The following GAB2 variants were observed in gnomAD, a reference collection of about 807,000 sequenced individuals.
GAB2 encodes GRB2-associated-binding protein 2.
Under a neutral mutation model 65.5 loss-of-function variants are expected in GAB2, and 26 were observed. That is an observed-to-expected ratio of 0.40 (90% CI 0.29 to 0.55). The LOEUF (loss-of-function observed/expected upper bound fraction) is 0.55, where lower values mean the gene tolerates loss of function less well. Ranked by LOEUF, GAB2 falls within the 20% of genes least tolerant of loss-of-function variation. The pLI is 0.53. For synonymous variants in GAB2, 321 were observed against 329.6 expected (o/e 0.97, Z 0.28); for missense variants, 884 against 875.8 (o/e 1.01, Z -0.12).
At chr11:78,357,690 T>A (rs1253917516) in intron 1 of GAB2, among the ~76,000 whole-genome samples, 1 of 152,002 alleles carries the variant, frequency 6.6e-6, no homozygotes, top group African/African-American at 2.4e-5. Context: ...AACAGACACA[T>A]GAAAAAATGC....
At chr11:78,341,731 C>T (rs907772879) in intron 1 of GAB2, 5 of 982,896 alleles carry the variant, frequency 5.1e-6, no homozygotes, top group South Asian at 4.7e-5. Context: ...GGTACTTGCC[C>T]GCCATACTCT....
intron 1 of GAB2, among the ~76,000 whole-genome samples, chr11:78,349,608 G>A (rs1425016145): frequency 6.6e-6 from 1 of 152,152 alleles, no homozygotes; most frequent in African/African-American, 2.4e-5. Context: ...GATAGCCTAG[G>A]GACAAGAAGA....
chr11:78,417,620 CCCTGGGCGGCCGCGCCCGCA>C lies in GAB2; in HGVS notation c.75+6_75+25del, dbSNP rs1429783546. ...AGGCCCCGGAGCGCCCCCCGCCCGC[CCCTGGGCGGCCGCGCCCGCA>C]CTCACATAGCGCCTCAACTTCTTCT... On this transcript the variant is annotated splice_donor_region_variant and intron_variant, in intron 1 of 9. Coordinates refer to ENST00000361507, the MANE Select transcript of GAB2 (RefSeq NM_080491.3). 7.7e-7 allele frequency: 1 copy of C among 1,295,230 alleles called. No individual in the cohort carries two copies. The highest frequency in any genetic ancestry group is 1.0e-6 in the Non-Finnish European group (1 of 989,564). 80.2% of individuals were successfully genotyped at this position (1,295,230 alleles called of 1,614,324 possible). A position where few individuals can be genotyped will look rare whatever the true frequency, so the allele number is the denominator to read the frequency against.
At chr11:78,338,168 C>G (rs1165737996) in intron 1 of GAB2, among the ~76,000 whole-genome samples, 3 of 152,228 alleles carry the variant, frequency 2.0e-5, no homozygotes, top group African/African-American at 4.8e-5. Context: ...ATGTTCAATT[C>G]AATGCCAGAC....
chr11:78,327,366 G>A (rs575565809), intron 1 of GAB2, among the ~76,000 whole-genome samples: 1 of 152,250 alleles, frequency 6.6e-6, no homozygotes, highest in Non-Finnish European at 1.5e-5. Flanking sequence ...GGTTGTGGGA[G>A]GAGGAAAGTA....
At chr11:78,331,903 G>A (rs897160961) in intron 1 of GAB2, among the ~76,000 whole-genome samples, 3 of 152,092 alleles carry the variant, frequency 2.0e-5, no homozygotes, top group Non-Finnish European at 2.9e-5. Context: ...TCCGGACCTC[G>A]TAAATGAAAG....
intron 1 of GAB2, among the ~76,000 whole-genome samples, chr11:78,330,779 ATT>A (rs1385968323): frequency 1.3e-5 from 2 of 151,938 alleles, no homozygotes. Flanking sequence ...TAATGGAAAT[ATT>A]TTTCTTCCCA....
At chr11:78,297,025 A>T (rs1866848972) in intron 1 of GAB2, among the ~76,000 whole-genome samples, 1 of 152,322 alleles carries the variant, frequency 6.6e-6, no homozygotes, top group Non-Finnish European at 1.5e-5. Flanking sequence ...ATACCAACAC[A>T]TCAGGGATAA....
chr11:78,405,284 G>C (rs1857028944), intron 1 of GAB2, among the ~76,000 whole-genome samples: 3 of 152,040 alleles, frequency 2.0e-5, no homozygotes. Flanking sequence ...ATTTTTAGTA[G>C]AGATGGGGTT....
intron 1 of GAB2, among the ~76,000 whole-genome samples, chr11:78,406,468 C>A (rs1857046117): frequency 6.6e-6 from 1 of 152,028 alleles, no homozygotes; most frequent in South Asian, 2.1e-4. Context: ...ACCTCTGCCC[C>A]CTGGGTTGAA....
intron 1 of GAB2, among the ~76,000 whole-genome samples, chr11:78,306,047 T>C (rs922937369): frequency 2.0e-5 from 3 of 152,342 alleles, no homozygotes; most frequent in South Asian, 4.1e-4. Flanking sequence ...CAAACCCCTA[T>C]ATTAAAACAT....
intron 1 of GAB2, among the ~76,000 whole-genome samples, chr11:78,300,431 T>C (rs184545811): frequency 3.3e-5 from 5 of 152,016 alleles, no homozygotes; most frequent in East Asian, 1.9e-4. Context: ...CAAGTCTTTT[T>C]TGTGAGCATA....
intron 1 of GAB2, among the ~76,000 whole-genome samples, chr11:78,294,178 T>C (rs1350434861): frequency 6.6e-6 from 1 of 152,194 alleles, no homozygotes; most frequent in Non-Finnish European, 1.5e-5. Context: ...GTTTGGTTTT[T>C]TGTCCTTGCG....
In GAB2 at chr11:78,354,399, GTATCA is replaced by G. The variant is rs1171906273; in HGVS notation, c.75+63242_75+63246del. Among the ~76,000 whole-genome samples, 31 of 152,028 alleles carry G rather than the reference GTATCA, an allele frequency of 2.0e-4. No individual in the cohort carries two copies. In the Middle Eastern group the frequency reaches 9.5e-3, roughly 47 times the overall value. ...TAGTACAGACCATATGTACTGTACT[GTATCA>G]TATCATATGTATTGTATCATATATG... On this transcript the variant is annotated intron_variant, in intron 1 of 9. Transcript: ENST00000361507.
Position 78,220,369 on chromosome 11 carries a change from C to T in GAB2, c.1837G>A (p.Asp613Asn). The change falls in exon 9 of 10, where the codon GAT becomes AAT. Residue 613 changes from aspartate to asparagine, a missense_variant. By Grantham distance (23) the Asp-to-Asn change is conservative. Coordinates refer to ENST00000361507, the MANE Select transcript of GAB2 (RefSeq NM_080491.3). ...GGCTGGAAGTCCAGGGCCAGATAAT[C>T]AACGCTGCCGGTGCTCTTCTTAGGG... ...PAPKKSTGSV[D>N]YLALDFQPSS... is the part of the protein sequence containing the mutation. 1.2e-6 allele frequency: 2 copies of T among 1,613,064 alleles called. No homozygotes were observed. Among genetic ancestry groups the T allele is most frequent in the Non-Finnish European group, 1.7e-6 (2 of 1,179,438 alleles).
At chr11:78,272,412 A>T (rs1000124912) in intron 2 of GAB2, among the ~76,000 whole-genome samples, 2 of 152,210 alleles carry the variant, frequency 1.3e-5, no homozygotes, top group Non-Finnish European at 2.9e-5. Context: ...AACTTGTTGG[A>T]AACTGGAGCA....
intron 1 of GAB2, among the ~76,000 whole-genome samples, chr11:78,331,042 G>A (rs947644284): frequency 6.6e-6 from 1 of 151,940 alleles, no homozygotes; most frequent in Non-Finnish European, 1.5e-5. Context: ...GGGCATGGTG[G>A]TGGGCACCTG....
At chr11:78,384,465 GCA>G (rs1856740331) in intron 1 of GAB2, among the ~76,000 whole-genome samples, 1 of 152,184 alleles carries the variant, frequency 6.6e-6, no homozygotes. Flanking sequence ...ACTCAAAAAA[GCA>G]CATTTTGGAA....
chr11:78,395,805 G>T (rs1008530468), intron 1 of GAB2, among the ~76,000 whole-genome samples: 2 of 152,142 alleles, frequency 1.3e-5, no homozygotes, highest in Non-Finnish European at 2.9e-5. Context: ...TAAGAAACTT[G>T]CCCACACCCA....
Sources: gnomAD v4.1 joint callset for allele counts (sites outside exome capture counted in the v4.1 genomes callset) on GRCh38, gnomAD v4.1.1 for gene constraint, MANE v1.5 for transcripts, NCBI Gene and HGNC (gene_info 2026-07-23, HGNC 2026-07-21) for gene names.